Variants in PPP1R9A observed in about 807,000 individuals in gnomAD.
PPP1R9A encodes the protein protein phosphatase 1 regulatory subunit 9A.
PPP1R9A carries 59 observed loss-of-function variants against 141.9 expected under a neutral mutation model. The observed-to-expected ratio is 0.42, with a 90% confidence interval of 0.34 to 0.52. PPP1R9A has a LOEUF of 0.52. PPP1R9A is among the 20% of genes least tolerant of loss of function. The pLI, the probability that PPP1R9A is intolerant of heterozygous loss-of-function variation, is 0.10. For synonymous variants in PPP1R9A, 500 were observed against 569.7 expected (o/e 0.88, Z 1.74); for missense variants, 1,444 against 1,611.9 (o/e 0.90, Z 1.78).
At chr7:94,993,866 C>T (rs1801821767) in intron 2 of PPP1R9A, among the ~76,000 whole-genome samples, 1 of 152,134 alleles carries the variant, frequency 6.6e-6, no homozygotes, top group Non-Finnish European at 1.5e-5. Context: ...GCTCGAGTTA[C>T]TGAACTGGCT....
intron 2 of PPP1R9A, among the ~76,000 whole-genome samples, chr7:94,998,887 C>T (rs1212885613): frequency 1.3e-5 from 2 of 152,048 alleles, no homozygotes; most frequent in Admixed American, 6.6e-5. Context: ...TCTCAGCCTC[C>T]CAAGTAGCAG....
At chr7:95,076,728 GTAGGACTTAATACCTTAAATAGAACT>G (rs1480888293) in intron 2 of PPP1R9A, among the ~76,000 whole-genome samples, 3 of 151,970 alleles carry the variant, frequency 2.0e-5, no homozygotes, top group Admixed American at 2.0e-4. Context: ...TCTGAGTTCA[GTAGGACTTAATACCTTAAATAGAACT>G]TAATTCCTGA....
At chr7:95,215,892 A>G (rs1793289215) in intron 7 of PPP1R9A, among the ~76,000 whole-genome samples, 1 of 152,112 alleles carries the variant, frequency 6.6e-6, no homozygotes, top group Non-Finnish European at 1.5e-5. Flanking sequence ...AGATGAGTAG[A>G]TTGCAAAAAT....
At chr7:95,152,246 G>A (rs1428993104) in intron 4 of PPP1R9A, among the ~76,000 whole-genome samples, 1 of 151,930 alleles carries the variant, frequency 6.6e-6, no homozygotes, top group East Asian at 1.9e-4. Flanking sequence ...CACTGCGCCT[G>A]GCCTGAAAAT....
intron 2 of PPP1R9A, among the ~76,000 whole-genome samples, chr7:95,109,143 T>C (rs2152435405): frequency 6.6e-6 from 1 of 152,344 alleles, no homozygotes; most frequent in Admixed American, 6.5e-5. Flanking sequence ...TGTGTGTGTA[T>C]ATATATTTTG....
chr7:94,968,891 G>T (rs1017745258), intron 2 of PPP1R9A, among the ~76,000 whole-genome samples: 2 of 151,542 alleles, frequency 1.3e-5, no homozygotes, highest in Non-Finnish European at 2.9e-5. Flanking sequence ...TCATTAAGTT[G>T]ATCTTCAATC....
At chr7:95,286,097 G>C (rs577556897) in intron 17 of PPP1R9A, 109 bp from the exon 18 acceptor site, 1 of 1,478,060 alleles carries the variant, frequency 6.8e-7, no homozygotes, top group African/African-American at 1.4e-5. Flanking sequence ...AATCATACAT[G>C]AATTTCTGCT....
chr7:95,260,282 T>C (rs1314412944), intron 12 of PPP1R9A, among the ~76,000 whole-genome samples: 1 of 152,198 alleles, frequency 6.6e-6, no homozygotes, highest in African/African-American at 2.4e-5. Context: ...AGGTATTCAG[T>C]TGCAAATTGA....
At chr7:95,257,614 C>T (rs1799780901) in intron 12 of PPP1R9A, among the ~76,000 whole-genome samples, 1 of 151,872 alleles carries the variant, frequency 6.6e-6, no homozygotes. Context: ...GTGCTGCACC[C>T]ATTAACTCGT....
chr7:94,983,766 T>C (rs1800435098), intron 2 of PPP1R9A, among the ~76,000 whole-genome samples: 1 of 152,236 alleles, frequency 6.6e-6, no homozygotes, highest in African/African-American at 2.4e-5. Flanking sequence ...TACAATCATG[T>C]CATCTGCAAA....
chr7:95,118,964 AGAGT>A (rs1194151318), intron 3 of PPP1R9A, among the ~76,000 whole-genome samples: 5 of 149,472 alleles, frequency 3.3e-5, no homozygotes, highest in Non-Finnish European at 5.9e-5. Flanking sequence ...CCTGATCAAC[AGAGT>A]GAGACCTTGT....
chr7:95,075,838 A>G (rs1440607656), intron 2 of PPP1R9A, among the ~76,000 whole-genome samples: 1 of 151,836 alleles, frequency 6.6e-6, no homozygotes, highest in African/African-American at 2.4e-5. Context: ...CTCCATCTCA[A>G]AAAAAAATGT....
chr7:95,292,652 A>G lies in PPP1R9A; in HGVS notation c.*2349A>G, dbSNP rs983923399. 8 of 152,214 alleles carry G rather than the reference A, an allele frequency of 5.3e-5. No homozygotes were observed. Among genetic ancestry groups the G allele is most frequent in the African/African-American group, 1.9e-4 (8 of 41,460 alleles). 9.4% of individuals were successfully genotyped at this position (152,214 alleles called of 1,614,324 possible). ...TATAAATCAAATTCTTATTCCTAAA[A>G]TCATTTAGTATTATAAGTATTTTGA... On this transcript the variant is annotated 3_prime_UTR_variant, in exon 20 of 20. Coordinates refer to ENST00000433360, the MANE Select transcript of PPP1R9A (RefSeq NM_001166160.2).
intron 2 of PPP1R9A, among the ~76,000 whole-genome samples, chr7:95,022,394 A>C (rs922159961): frequency 1.9e-4 from 29 of 151,858 alleles, no homozygotes; most frequent in African/African-American, 6.5e-4. Context: ...GAGTTTGTAA[A>C]TATACAATAT....
chr7:95,205,132 A>G (rs545079789), intron 7 of PPP1R9A, among the ~76,000 whole-genome samples: 62 of 152,336 alleles, frequency 4.1e-4, no homozygotes, highest in South Asian at 4.1e-4. Context: ...TACACTGTGT[A>G]CAGACAGAAA....
rs529116794 is a variant in PPP1R9A, at chr7:95,211,315, T to C, written c.1956+7585T>C. On this transcript the variant is annotated intron_variant, in intron 7 of 19. Coordinates refer to ENST00000433360, the MANE Select transcript of PPP1R9A (RefSeq NM_001166160.2). ...TGTTTGTCAAATAGAAATGACAGAT[T>C]CCAGAAAGCTGCCAACCTGGCTACA... 2.6e-5 allele frequency among the ~76,000 whole-genome samples: 4 copies of C among 152,290 alleles called. No individual in the cohort carries two copies. The South Asian group carries it at 8.3e-4, about 32-fold the overall frequency.
At chr7:95,103,648 G>A (rs891010783) in intron 2 of PPP1R9A, among the ~76,000 whole-genome samples, 3 of 152,108 alleles carry the variant, frequency 2.0e-5, no homozygotes, top group African/African-American at 7.2e-5. Context: ...GATTACAGGC[G>A]TGAGCCCCCA....
At chr7:95,066,720 A>G (rs1417268952) in intron 2 of PPP1R9A, among the ~76,000 whole-genome samples, 1 of 152,214 alleles carries the variant, frequency 6.6e-6, no homozygotes, top group East Asian at 1.9e-4. Flanking sequence ...AAGATAATCA[A>G]TCCAGGAGGT....
chr7:94,991,518 G>A (rs987419056), intron 2 of PPP1R9A, among the ~76,000 whole-genome samples: 4 of 152,034 alleles, frequency 2.6e-5, no homozygotes, highest in African/African-American at 7.2e-5. Context: ...CTGTGCTGAG[G>A]CTTTTTAGTT....
Sources: gnomAD v4.1 joint callset for allele counts (sites outside exome capture counted in the v4.1 genomes callset) on GRCh38, gnomAD v4.1.1 for gene constraint, MANE v1.5 for transcripts, NCBI Gene and HGNC (gene_info 2026-07-23, HGNC 2026-07-21) for gene names.